Variants in LRP8 observed in about 807,000 individuals in gnomAD.
LRP8 encodes the protein LDL receptor related protein 8.
In LRP8, 46 loss-of-function variants were observed where a neutral mutation model predicts 111.6. The ratio of observed to expected loss-of-function variants is 0.41; its 90% CI spans 0.33 to 0.53. The LOEUF is 0.53. Among genes scored for constraint, LRP8 ranks in the 20% least tolerant of loss-of-function variants. LRP8 has a pLI of 0.20. For missense variants in LRP8, 959 were observed against 1,297.4 expected, an observed-to-expected ratio of 0.74 and a Z score of 4.01; for synonymous variants, 464 against 511.2, an observed-to-expected ratio of 0.91 and a Z score of 1.24.
chr1:53,306,598 C>T (rs1652015126), intron 2 of LRP8, among the ~76,000 whole-genome samples: 1 of 152,218 alleles, frequency 6.6e-6, no homozygotes, highest in Non-Finnish European at 1.5e-5. Context: ...CCACTGCTCC[C>T]TGGGTCTGTT....
chr1:53,260,385 A>C lies in LRP8; in HGVS notation c.2056+79T>G. On this transcript the variant is annotated intron_variant, in intron 13 of 18. Transcript: ENST00000306052. ...GTTGCTGAGTTGTGACCTGAATGTG[A>C]ACACAGCCTGCCTGGTGAAAGGAGA... 2.1e-6 allele frequency: 3 copies of C among 1,439,246 alleles called. No homozygotes were observed. The South Asian group carries it at 3.7e-5, about 18-fold the overall frequency. The allele number at this position is 1,439,246 out of a possible 1,614,324, so 89.2% of individuals were successfully genotyped here.
intron 4 of LRP8, 124 bp downstream of exon 4, chr1:53,280,463 T>G: frequency 7.8e-7 from 1 of 1,280,614 alleles, no homozygotes; most frequent in Non-Finnish European, 1.1e-6. Flanking sequence ...GTCCTGATCG[T>G]TATCCTTTCC....
At chr1:53,312,312 C>T (rs1228050601) in intron 2 of LRP8, among the ~76,000 whole-genome samples, 1 of 152,160 alleles carries the variant, frequency 6.6e-6, no homozygotes, top group African/African-American at 2.4e-5. Context: ...TTCCAAGATC[C>T]TCTGTTTCTT....
chr1:53,276,851 C>A lies in LRP8; in HGVS notation c.724G>T (p.Ala242Ser), dbSNP rs1294666207. The stretch of plus-strand genomic sequence containing the variant: ...GGGCCCGGACGGCCGCAGAGCTCGG[C>A]TGCCTCGTCCGAGCGGTCCTCGCAG... The part of the protein sequence containing the change: ...FDCEDRSDEA[A>S]ELCGRPGPGA... Residue 242 changes from alanine (A) to serine (S), a missense_variant, in exon 5 of 19, where the codon GCC (alanine) becomes TCC (serine). Ala to Ser is a moderately conservative substitution (Grantham distance 99, BLOSUM62 1). Coordinates refer to ENST00000306052, the MANE Select transcript of LRP8 (RefSeq NM_004631.5). The A allele has an allele frequency of 1.5e-6, 2 of 1,324,228 alleles. No individual in the cohort carries two copies. Among genetic ancestry groups the A allele is most frequent in the Non-Finnish European group, 9.6e-7 (1 of 1,037,222 alleles). 82.0% of individuals were successfully genotyped at this position (1,324,228 alleles called of 1,614,324 possible).
rs1646563126 is a variant in LRP8 at position 53,266,509 on chromosome 1, A to G, written c.1391T>C (p.Ile464Thr). 2 of 1,614,142 alleles carry G rather than the reference A, an allele frequency of 1.2e-6. No individual in the cohort carries two copies. The highest frequency in any genetic ancestry group is 1.7e-6 in the Non-Finnish European group (2 of 1,180,016). Residue 464 changes from isoleucine to threonine, a missense_variant, in exon 9 of 19, where the codon ATC becomes ACC. Ile to Thr is a moderately conservative substitution (Grantham distance 89). Transcript: ENST00000306052. The surrounding 1 kb of genome is among the most constrained non-coding windows in gnomAD (Gnocchi z 5.0). ...ALDVEVATNR[I>T]YWCDLSYRKI... The stretch of plus-strand genomic sequence containing the variant: ...ACGGTAGGAGAGGTCACACCAGTAG[A>G]TGCGATTGGTGGCAACTTCCACATC...
rs778167760 is a variant in LRP8 at position 53,262,305 on chromosome 1, T to C, written c.1775-98A>G. The C allele has an allele frequency of 7.2e-5, 112 of 1,555,420 alleles. No individual in the cohort carries two copies. Among genetic ancestry groups the C allele is most frequent in the Non-Finnish European group, 9.6e-5 (109 of 1,137,476 alleles). On this transcript the variant is annotated intron_variant, in intron 11 of 18. Transcript: ENST00000306052. This position sits in a 1 kb window ranked among gnomAD's most constrained non-coding sequence, Gnocchi z 4.8. ...CTGCCCACATTTCTAGGCCTCACACTGAGGCCAGCCTACGGCAACCATTAG... is the reference window on the plus strand; with the variant it reads ...CTGCCCACATTTCTAGGCCTCACACCGAGGCCAGCCTACGGCAACCATTAG...
At chr1:53,289,815 A>G (rs572187908) in intron 2 of LRP8, 126 bp from the exon 3 acceptor site, 15 of 1,229,554 alleles carry the variant, frequency 1.2e-5, no homozygotes, top group Non-Finnish European at 1.6e-5. Flanking sequence ...AGAGGACAGG[A>G]GAGACAAGCT....
In LRP8 at chr1:53,257,458, T is replaced by G. The variant is rs147985333; in HGVS notation, c.2216A>C (p.Gln739Pro). Residue 739 changes from glutamine to proline, a missense_variant, in exon 15 of 19, where the codon CAA becomes CCA. Gln to Pro is a moderately conservative substitution (Grantham distance 76). This residue lies in a region of LRP8 where 819 missense variants were observed against 1,097.6 expected (regional missense o/e 0.75). Coordinates refer to ENST00000306052, the MANE Select transcript of LRP8 (RefSeq NM_004631.5). The stretch of plus-strand genomic sequence containing the variant: ...AGCTAACGTCGTAGTTGAGGTAGAT[T>G]GAGGTGCTGGAGGGGAAATACCATG... ...PDMKRCYRAP[Q>P]STSTTTLAST... The G allele has an allele frequency of 1.2e-5, 20 of 1,613,726 alleles. No individual in the cohort carries two copies. Among genetic ancestry groups the G allele is most frequent in the Non-Finnish European group, 1.5e-5 (18 of 1,179,870 alleles).
chr1:53,282,118 G>A (rs555874055), intron 3 of LRP8, among the ~76,000 whole-genome samples: 24 of 152,332 alleles, frequency 1.6e-4, no homozygotes. Context: ...TAGCTGGGAT[G>A]AGAGACCACA....
chr1:53,295,604 G>A (rs1022770509), intron 2 of LRP8, among the ~76,000 whole-genome samples: 1 of 152,150 alleles, frequency 6.6e-6, no homozygotes, highest in Non-Finnish European at 1.5e-5. Flanking sequence ...TAGCAGAGGA[G>A]GGGAGGGGTA....
chr1:53,249,406 A>T lies in LRP8; in HGVS notation c.2827T>A (p.Ser943Thr). 1 of 1,614,196 alleles carries T rather than the reference A, an allele frequency of 6.2e-7. No individual in the cohort carries two copies. The highest frequency in any genetic ancestry group is 8.5e-7 in the Non-Finnish European group (1 of 1,180,020). ...TTGGATTTGACGACAGGCAGCTCGG[A>T]AAGAGGGTTCTTCGGGAGTTGGTGC... ...QLHQLPKNPLSELPVVKSKRV... is the reference protein window; with the variant it reads ...QLHQLPKNPLTELPVVKSKRV... Residue 943 changes from serine (S) to threonine (T), a missense_variant, in exon 18 of 19, where the codon TCC (serine) becomes ACC (threonine). Physicochemically the swap from Ser to Thr is moderately conservative, Grantham distance 58. Transcript: ENST00000306052. This position sits in a 1 kb window ranked among gnomAD's most constrained non-coding sequence, Gnocchi z 4.1.
At chr1:53,321,512 G>A (rs751125585) in intron 2 of LRP8, among the ~76,000 whole-genome samples, 18 of 152,138 alleles carry the variant, frequency 1.2e-4, no homozygotes, top group East Asian at 1.9e-4. Context: ...CTTCAAGGGC[G>A]TGCCTGTTCC....
chr1:53,306,288 G>A (rs1391300793), intron 2 of LRP8: 1 of 152,296 alleles, frequency 6.6e-6, no homozygotes, highest in African/African-American at 2.4e-5. Flanking sequence ...CCTAGGAAAA[G>A]CAGTAATCAT....
In LRP8 at chr1:53,327,806, G is replaced by A. The variant is rs1248386747; in HGVS notation, c.107C>T (p.Pro36Leu). ...LQHLAAAAAD[P>L]LLGGQGPAKD... ...GCACGCACCTTGGCCGCCGAGCAGC[G>A]GATCAGCCGCTGCCGCCGCAAGATG... The change falls in exon 1 of 19, where the codon CCG becomes CTG. Residue 36 changes from proline (P) to leucine (L), a missense_variant. Physicochemically the swap from Pro to Leu is moderately conservative, Grantham distance 98. Transcript: ENST00000306052. 1.3e-6 allele frequency: 2 copies of A among 1,511,946 alleles called. No homozygotes were observed. Among genetic ancestry groups the A allele is most frequent in the Non-Finnish European group, 1.8e-6 (2 of 1,136,236 alleles). The allele number at this position is 1,511,946 out of a possible 1,614,324, so 93.7% of individuals were successfully genotyped here.
chr1:53,271,419 G>C, intron 6 of LRP8, 73 bp from the exon 7 acceptor site: 2 of 1,576,746 alleles, frequency 1.3e-6, no homozygotes, highest in East Asian at 2.2e-5. Context: ...GTAGGACCTA[G>C]AGCAGAAGCA....
chr1:53,270,788 C>T (rs1029639304), intron 8 of LRP8, among the ~76,000 whole-genome samples: 13 of 152,198 alleles, frequency 8.5e-5, no homozygotes, highest in African/African-American at 3.1e-4. Flanking sequence ...GGTCAGCCTG[C>T]TCCTGTCTTA....
Position 53,293,835 on chromosome 1 carries a change from C to A in LRP8, c.245-4146G>T, listed in dbSNP as rs926493053. Among the ~76,000 whole-genome samples the A allele has an allele frequency of 1.2e-4, 19 of 152,360 alleles. No homozygotes were observed. Among genetic ancestry groups the A allele is most frequent in the South Asian group, 1.0e-3 (5 of 4,832 alleles). ...CTGGAGTCAGAGTGGAGACTGACTC[C>A]TGGCATAGCCACCTCGGGGTGAACC... On this transcript the variant is annotated intron_variant, in intron 2 of 18. Coordinates refer to ENST00000306052, the MANE Select transcript of LRP8 (RefSeq NM_004631.5). The surrounding 1 kb of genome is among the most constrained non-coding windows in gnomAD (Gnocchi z 4.9).
chr1:53,282,513 C>T (rs1647147436), intron 3 of LRP8, among the ~76,000 whole-genome samples: 1 of 152,040 alleles, frequency 6.6e-6, no homozygotes, highest in African/African-American at 2.4e-5. Context: ...CCTCTATCAC[C>T]AACACTGCAG....
At chr1:53,327,657 C>G (rs1655338217) in intron 1 of LRP8, 132 bp downstream of exon 1, 1 of 1,270,276 alleles carries the variant, frequency 7.9e-7, no homozygotes, top group Non-Finnish European at 1.0e-6. Flanking sequence ...ATAGCCGCTT[C>G]GCGTGGAGCC....
Sources: allele counts gnomAD v4.1 joint callset (sites outside exome capture counted in the v4.1 genomes callset), GRCh38; gene constraint gnomAD v4.1.1; regional missense constraint gnomAD v4.1.1; non-coding constraint Gnocchi (gnomAD v3.1); transcripts MANE v1.5; gene names NCBI Gene and HGNC (gene_info 2026-07-23, HGNC 2026-07-21).